Variants in ROBO1 observed in about 807,000 individuals in gnomAD.
ROBO1 encodes roundabout guidance receptor 1.
ROBO1 carries 149 observed loss-of-function variants against 195.9 expected under a neutral mutation model. The observed-to-expected ratio is 0.76, with a 90% CI of 0.67 to 0.87. The LOEUF is 0.87. Among genes scored for constraint, ROBO1 ranks in the 40% least tolerant of loss-of-function variants. ROBO1 has a pLI of 0.00. For missense variants in ROBO1, 1,933 were observed against 2,068.3 expected, an observed-to-expected ratio of 0.93 and a Z score of 1.27; for synonymous variants, 816 against 733.2, an observed-to-expected ratio of 1.11 and a Z score of -1.82.
chr3:78,664,255 A>C (rs1707606158), intron 14 of ROBO1, among the ~76,000 whole-genome samples: 1 of 152,206 alleles, frequency 6.6e-6, no homozygotes, highest in Admixed American at 6.5e-5. Context: ...TAATTGCTCC[A>C]GCCAAACTGT....
chr3:78,859,730 T>C (rs1369926344), intron 4 of ROBO1, among the ~76,000 whole-genome samples: 1 of 152,046 alleles, frequency 6.6e-6, no homozygotes, highest in Non-Finnish European at 1.5e-5. Context: ...TGGGCCTCAG[T>C]ATGTGATAGC....
At chr3:79,583,671 G>T (rs1943728241) in intron 2 of ROBO1, among the ~76,000 whole-genome samples, 1 of 151,526 alleles carries the variant, frequency 6.6e-6, no homozygotes, top group East Asian at 1.9e-4. Context: ...AGAGACATTT[G>T]GTATCATTAA....
chr3:79,613,937 A>T (rs1944743204), intron 1 of ROBO1, among the ~76,000 whole-genome samples: 1 of 152,122 alleles, frequency 6.6e-6, no homozygotes. Context: ...ACAAATGTAA[A>T]AGCAATAAGA....
chr3:78,646,032 TA>T, intron 21 of ROBO1, 115 bp downstream of exon 21: 1 of 888,824 alleles, frequency 1.1e-6, no homozygotes, highest in Non-Finnish European at 1.8e-6. Context: ...GTCAAGGAAC[TA>T]AATAAATTCC....
intron 27 of ROBO1, among the ~76,000 whole-genome samples, chr3:78,616,770 TG>T (rs1704138146): frequency 6.6e-6 from 1 of 152,150 alleles, no homozygotes; most frequent in Non-Finnish European, 1.5e-5. Context: ...AAAATATGTA[TG>T]GGAATGTATA....
intron 2 of ROBO1, among the ~76,000 whole-genome samples, chr3:79,531,275 A>C (rs1941650271): frequency 6.6e-6 from 1 of 152,156 alleles, no homozygotes; most frequent in Admixed American, 6.5e-5. Context: ...AATTTATATT[A>C]ATAAATTAAT....
At position 78,888,117 on chromosome 3, in the gene ROBO1, T is replaced by C. The variant is rs556179875; in HGVS notation, c.499+50484A>G. ...AACACTGCCTCACATCCAAGGGAAT[T>C]TGAGGACAGAGGAATTCATTCCTGT... On this transcript the variant is annotated intron_variant, in intron 4 of 30. Transcript: ENST00000464233. Among the ~76,000 whole-genome samples the C allele has an allele frequency of 3.0e-4, 45 of 152,316 alleles. 1 individual carries two copies. In the East Asian group the frequency reaches 3.9e-3, roughly 13 times the overall value.
chr3:78,992,963 C>T (rs1576527932), intron 3 of ROBO1, among the ~76,000 whole-genome samples: 1 of 152,118 alleles, frequency 6.6e-6, no homozygotes, highest in Non-Finnish European at 1.5e-5. Context: ...GATGCGAATA[C>T]ATATATCTAG....
rs1289169352 is a variant in ROBO1, at chr3:78,617,920, C to T, written c.3997G>A (p.Glu1333Lys). Residue 1333 changes from glutamate to lysine, a missense_variant, in exon 27 of 31, where the codon GAA becomes AAA. Coordinates refer to ENST00000464233, the MANE Select transcript of ROBO1 (RefSeq NM_002941.4). ...DTDAPEEEEDEADMEVAKMQT... is the reference protein window; with the variant it reads ...DTDAPEEEEDKADMEVAKMQT... ...ATCTTGGCTACCTCCATGTCGGCTT[C>T]GTCTTCTTCCTCTTCTGGCGCATCC... is the stretch of plus-strand genomic sequence containing the variant. The T allele has an allele frequency of 1.9e-6, 3 of 1,613,984 alleles. No individual in the cohort carries two copies. Among genetic ancestry groups the T allele is most frequent in the Non-Finnish European group, 2.5e-6 (3 of 1,179,888 alleles).
intron 2 of ROBO1, among the ~76,000 whole-genome samples, chr3:79,157,640 T>A (rs1157928431): frequency 6.6e-6 from 1 of 151,896 alleles, no homozygotes; most frequent in Non-Finnish European, 1.5e-5. Context: ...ATAAAAGGAA[T>A]ATGAGTTCAT....
intron 2 of ROBO1, among the ~76,000 whole-genome samples, chr3:79,332,056 T>A (rs1576986358): frequency 6.8e-6 from 1 of 147,094 alleles, no homozygotes; most frequent in East Asian, 2.0e-4. Flanking sequence ...GGCAGGAGAG[T>A]GGCGTGAACC....
chr3:79,648,606 G>T (rs1251110213), intron 1 of ROBO1, among the ~76,000 whole-genome samples: 1 of 152,012 alleles, frequency 6.6e-6, no homozygotes. Context: ...GAGAAAAGAA[G>T]CTGTTATTAA....
Position 79,090,011 on chromosome 3 carries a change from C to T in ROBO1, c.172+35445G>A, listed in dbSNP as rs367948098. Among the ~76,000 whole-genome samples the T allele has an allele frequency of 2.4e-4, 36 of 150,004 alleles. No individual in the cohort carries two copies. In the East Asian group the frequency reaches 6.7e-3, roughly 28 times the overall value. On this transcript the variant is annotated intron_variant, in intron 3 of 30. Transcript: ENST00000464233. ...CTGGAGTGCAGTGGTGCAATCTTGG[C>T]TCACTGCAACCTCCATCTCCCAGGT... is the stretch of plus-strand genomic sequence containing the variant.
At chr3:78,962,274 G>A (rs1036647249) in intron 3 of ROBO1, among the ~76,000 whole-genome samples, 1 of 152,164 alleles carries the variant, frequency 6.6e-6, no homozygotes, top group Non-Finnish European at 1.5e-5. Flanking sequence ...TCTTGAAAGT[G>A]GAATGCAAAT....
chr3:78,657,307 T>C (rs765714696), intron 17 of ROBO1, 38 bp from the exon 18 acceptor site: 4 of 1,604,028 alleles, frequency 2.5e-6, no homozygotes, highest in Non-Finnish European at 3.4e-6. Context: ...GCTGGTAAAT[T>C]ACCTAAATGA....
At chr3:79,754,092 T>C (rs903268511) in intron 1 of ROBO1, among the ~76,000 whole-genome samples, 3 of 152,264 alleles carry the variant, frequency 2.0e-5, no homozygotes, top group Middle Eastern at 3.4e-3. Flanking sequence ...ACCAATGTTC[T>C]TTCTAGGATT....
intron 3 of ROBO1, among the ~76,000 whole-genome samples, chr3:79,011,834 C>T (rs1298542020): frequency 2.0e-5 from 3 of 151,790 alleles, no homozygotes; most frequent in Non-Finnish European, 2.9e-5. Flanking sequence ...TAACATATAC[C>T]TGAAATGGCT....
At chr3:78,811,249 A>T (rs2084729461) in intron 4 of ROBO1, among the ~76,000 whole-genome samples, 1 of 152,222 alleles carries the variant, frequency 6.6e-6, no homozygotes, top group South Asian at 2.1e-4. Flanking sequence ...TCTAAAACAA[A>T]TGTAAAAAAG....
chr3:79,470,942 G>A (rs1042066027), intron 2 of ROBO1, among the ~76,000 whole-genome samples: 1 of 152,038 alleles, frequency 6.6e-6, no homozygotes, highest in Non-Finnish European at 1.5e-5. Flanking sequence ...TTTTCTTCAA[G>A]AATTTAATGA....
Sources: allele counts gnomAD v4.1 joint callset (sites outside exome capture counted in the v4.1 genomes callset), GRCh38; gene constraint gnomAD v4.1.1; transcripts MANE v1.5; gene names NCBI Gene and HGNC (gene_info 2026-07-23, HGNC 2026-07-21).